EYA2: variants seen among roughly 807,000 people sequenced by gnomAD.
EYA2 encodes EYA transcriptional coactivator and phosphatase 2.
EYA2 carries 31 observed loss-of-function variants against 69.2 expected under a neutral mutation model. The ratio of observed to expected loss-of-function variants is 0.45; its 90% CI spans 0.34 to 0.60. The LOEUF is 0.60. EYA2 is among the 20% of genes least tolerant of loss of function. EYA2 has a pLI of 0.02. For synonymous variants in EYA2, 257 were observed against 279.4 expected (o/e 0.92, Z 0.80); for missense variants, 622 against 701.2 (o/e 0.89, Z 1.28).
At chr20:46,935,986 T>C (rs1211439143) in intron 1 of EYA2, among the ~76,000 whole-genome samples, 1 of 152,160 alleles carries the variant, frequency 6.6e-6, no homozygotes, top group Non-Finnish European at 1.5e-5. Flanking sequence ...AGGGCAGTGC[T>C]CACGGGAGCA....
At chr20:47,081,991 T>G (rs1299811406) in intron 7 of EYA2, among the ~76,000 whole-genome samples, 1 of 151,412 alleles carries the variant, frequency 6.6e-6, no homozygotes, top group Non-Finnish European at 1.5e-5. Flanking sequence ...AGGCGCCCAC[T>G]ACCATGCCCG....
intron 14 of EYA2, among the ~76,000 whole-genome samples, chr20:47,183,026 T>C (rs1189571497): frequency 6.6e-6 from 1 of 152,158 alleles, no homozygotes; most frequent in Admixed American, 6.5e-5. Flanking sequence ...TGCAGAGACT[T>C]GGGAGCCTGC....
At position 46,919,109 on chromosome 20, in the gene EYA2, TTA is replaced by T; in HGVS notation, c.-11+24124_-11+24125del. 2.0e-5 allele frequency among the ~76,000 whole-genome samples: 3 copies of T among 152,352 alleles called. No individual in the cohort carries two copies. The Middle Eastern group carries it at 0.01, about 518-fold the overall frequency. On this transcript the variant is annotated intron_variant, in intron 1 of 15. Coordinates refer to ENST00000327619, the MANE Select transcript of EYA2 (RefSeq NM_005244.5). ...AAGCAGACATGCTGTCATCCCGGCT[TTA>T]TGTTATTCTGTTCATAGAGCACAGG...
At chr20:46,972,440 A>G (rs1288220439) in intron 1 of EYA2, among the ~76,000 whole-genome samples, 3 of 152,246 alleles carry the variant, frequency 2.0e-5, no homozygotes, top group South Asian at 2.1e-4. Context: ...GCACAGTGTC[A>G]TGTGGTGAAA....
At chr20:46,975,174 C>T (rs1303907797) in intron 1 of EYA2, among the ~76,000 whole-genome samples, 2 of 151,994 alleles carry the variant, frequency 1.3e-5, no homozygotes, top group South Asian at 2.1e-4. Flanking sequence ...TCTAGATTGC[C>T]GTGGTGGTTA....
chr20:47,115,376 G>A (rs1197754507), intron 9 of EYA2, among the ~76,000 whole-genome samples: 9 of 152,150 alleles, frequency 5.9e-5, no homozygotes, highest in East Asian at 1.9e-4. Context: ...GGGCCTCTGC[G>A]TATGCTATTC....
At chr20:46,988,169 A>G (rs929693739) in intron 1 of EYA2, among the ~76,000 whole-genome samples, 6 of 140,868 alleles carry the variant, frequency 4.3e-5, no homozygotes, top group Admixed American at 3.6e-4. Context: ...CATTTTTTAT[A>G]AGGTACTTGA....
chr20:46,997,553 G>A (rs1181280138), intron 2 of EYA2: 1 of 152,236 alleles, frequency 6.6e-6, no homozygotes, highest in Non-Finnish European at 1.5e-5. Context: ...CCTTCATCCT[G>A]TGGGTTCATT....
At chr20:47,064,481 A>T (rs1012532716) in intron 5 of EYA2, among the ~76,000 whole-genome samples, 1 of 152,178 alleles carries the variant, frequency 6.6e-6, no homozygotes, top group Non-Finnish European at 1.5e-5. Context: ...CTTGTTTTCA[A>T]TTATTTTGGG....
intron 1 of EYA2, among the ~76,000 whole-genome samples, chr20:46,955,040 A>G (rs754742673): frequency 6.6e-6 from 1 of 151,962 alleles, no homozygotes; most frequent in African/African-American, 2.4e-5. Context: ...CTGGTGCTTG[A>G]TGGGTGAGCA....
chr20:47,165,780 C>T (rs1265008430), intron 10 of EYA2, among the ~76,000 whole-genome samples: 1 of 152,166 alleles, frequency 6.6e-6, no homozygotes, highest in South Asian at 2.1e-4. Flanking sequence ...CCACACTACC[C>T]CCTTGCCAAC....
Position 47,036,831 on chromosome 20 carries a change from C to G in EYA2, c.415+20534C>G, listed in dbSNP as rs543772136. Among the ~76,000 whole-genome samples, 7 of 152,300 alleles carry G rather than the reference C, an allele frequency of 4.6e-5. No homozygotes were observed. The South Asian group carries it at 1.0e-3, about 23-fold the overall frequency. On this transcript the variant is annotated intron_variant, in intron 5 of 15. Coordinates refer to ENST00000327619, the MANE Select transcript of EYA2 (RefSeq NM_005244.5). ...GAACTCAGATCGCCTAAATTCAAAT[C>G]CCAGTTCTGCCAGTTATCAACTATG...
chr20:46,964,799 G>A (rs963118549), intron 1 of EYA2, among the ~76,000 whole-genome samples: 10 of 152,148 alleles, frequency 6.6e-5, no homozygotes, highest in African/African-American at 1.2e-4. Flanking sequence ...CACTCCAGCC[G>A]GGCAGTGCGG....
chr20:47,036,331 A>G (rs1034602145), intron 5 of EYA2, among the ~76,000 whole-genome samples: 5 of 152,152 alleles, frequency 3.3e-5, no homozygotes, highest in African/African-American at 1.2e-4. Context: ...GTTCGCGCAA[A>G]AACTCCCTGA....
intron 8 of EYA2, among the ~76,000 whole-genome samples, chr20:47,090,539 C>CTT (rs990206207): frequency 6.9e-6 from 1 of 145,204 alleles, no homozygotes; most frequent in African/African-American, 2.5e-5. Flanking sequence ...CATGCCCGGA[C>CTT]TTTTTTTTTT....
intron 3 of EYA2, among the ~76,000 whole-genome samples, chr20:47,002,045 C>T (rs1982415355): frequency 6.6e-6 from 1 of 151,980 alleles, no homozygotes; most frequent in African/African-American, 2.4e-5. Context: ...AATTCTGCCT[C>T]AGCCTCCCAA....
chr20:47,154,338 G>A lies in EYA2; in HGVS notation c.978+11190G>A, dbSNP rs115059860. Among the ~76,000 whole-genome samples the A allele has an allele frequency of 4.4e-3, 665 of 152,112 alleles. 11 individuals carry two copies. Among genetic ancestry groups the A allele is most frequent in the African/African-American group, 0.015 (638 of 41,558 alleles). On this transcript the variant is annotated intron_variant, in intron 10 of 15. Transcript: ENST00000327619. ...ACTTAAACTTAATTACTTCCTTAGA[G>A]GCCCTACCTCTAAATACAGCCACAT...
intron 1 of EYA2, chr20:46,901,589 T>C (rs1984111883): frequency 6.6e-6 from 1 of 152,316 alleles, no homozygotes; most frequent in East Asian, 1.9e-4. Context: ...GGTTATTTTC[T>C]TTTGTGGGTG....
chr20:46,991,002 T>G (rs1981622575), intron 2 of EYA2, among the ~76,000 whole-genome samples: 1 of 152,214 alleles, frequency 6.6e-6, no homozygotes, highest in Non-Finnish European at 1.5e-5. Context: ...TGCATGCTGG[T>G]TACAGAGCTG....
Sources: allele counts gnomAD v4.1 joint callset (sites outside exome capture counted in the v4.1 genomes callset), GRCh38; gene constraint gnomAD v4.1.1; transcripts MANE v1.5; gene names NCBI Gene and HGNC (gene_info 2026-07-23, HGNC 2026-07-21).